The following SGSM3 variants were observed in gnomAD, a reference collection of about 807,000 sequenced individuals.
SGSM3 encodes RUN and SH3 containing 3.
Under a neutral mutation model 100.5 loss-of-function variants are expected in SGSM3, and 96 were observed. That is an observed-to-expected ratio of 0.96 (90% CI 0.81 to 1.13). The LOEUF (loss-of-function observed/expected upper bound fraction) is 1.13. Among genes scored for constraint, SGSM3 ranks in the 50% most tolerant of loss-of-function variants. The pLI is 0.00. For synonymous variants in SGSM3, 483 were observed against 422.8 expected (o/e 1.14, Z -1.75); for missense variants, 1,001 against 1,015.8 (o/e 0.99, Z 0.20).
At chr22:40,408,506 T>G in intron 16 of SGSM3, 77 bp downstream of exon 16, 1 of 1,594,488 alleles carries the variant, frequency 6.3e-7, no homozygotes. Context: ...CTTAGGTCCT[T>G]CCTGCCCCAC....
In SGSM3 at chr22:40,407,216, A is replaced by G. The variant is rs754237467; in HGVS notation, c.1256A>G (p.Glu419Gly). Residue 419 changes from glutamate (E) to glycine (G), a missense_variant, in exon 12 of 22, where the codon GAG becomes GGG. By Grantham distance (98) the Glu-to-Gly change is moderately conservative (BLOSUM62 -2). Transcript: ENST00000248929. The surrounding 1 kb of genome is among the most constrained non-coding windows in gnomAD (Gnocchi z 4.7). Reference sequence around the variant, plus strand: ...GGCCTCCTAGGGGAGGATGACCTGGAGGCACTCAAGGCCAAGAACATCAAG... The same window carrying G: ...GGCCTCCTAGGGGAGGATGACCTGGGGGCACTCAAGGCCAAGAACATCAAG... Reference protein sequence around the residue: ...TALLFGEDDLEALKAKNIKQT... With the variant: ...TALLFGEDDLGALKAKNIKQT... The G allele has an allele frequency of 1.2e-6, 2 of 1,613,562 alleles. No individual in the cohort carries two copies. The highest frequency in any genetic ancestry group is 8.5e-7 in the Non-Finnish European group (1 of 1,179,958).
At position 40,408,002 on chromosome 22, in the gene SGSM3, C is replaced by A; in HGVS notation, c.1580-69C>A. The A allele has an allele frequency of 4.5e-6, 7 of 1,542,798 alleles. 1 individual carries two copies. The South Asian group carries it at 8.2e-5, about 18-fold the overall frequency. On this transcript the variant is annotated intron_variant, in intron 14 of 21. Coordinates refer to ENST00000248929, the MANE Select transcript of SGSM3 (RefSeq NM_015705.6). ...GCCGGCTTCCCACTGCCTCAGCCTG[C>A]CTGCAGGCTGTGTCTGCTCTGTCCT... is the stretch of plus-strand genomic sequence containing the variant.
In SGSM3 at chr22:40,405,850, G is replaced by A; in HGVS notation, c.814+6G>A. 1 of 1,603,034 alleles carries A rather than the reference G, an allele frequency of 6.2e-7. No homozygotes were observed. Among genetic ancestry groups the A allele is most frequent in the Non-Finnish European group, 8.5e-7 (1 of 1,172,754 alleles). On this transcript the variant is annotated splice_donor_region_variant and intron_variant, in intron 8 of 21. Transcript: ENST00000248929. Reference sequence around the variant, plus strand: ...GCTCCAGGAGCATGACATTGGTAAGGCGCCCCTGAGCCACTGGCTCCCATT... The same window carrying A: ...GCTCCAGGAGCATGACATTGGTAAGACGCCCCTGAGCCACTGGCTCCCATT...
rs1555954090 is a variant in SGSM3, at chr22:40,410,071, C to CT, written c.*315dup. On this transcript the variant is annotated 3_prime_UTR_variant, in exon 22 of 22. Coordinates refer to ENST00000248929, the MANE Select transcript of SGSM3 (RefSeq NM_015705.6). Reference sequence around the variant, plus strand: ...GGGGTGGCTAGTAGGCTCCTGGCCTCTTTGGTTTATAAATAAACTGTGTCT... The same window carrying CT: ...GGGGTGGCTAGTAGGCTCCTGGCCTCTTTTGGTTTATAAATAAACTGTGTCT... The CT allele has an allele frequency of 4.8e-6, 6 of 1,250,818 alleles. No homozygotes were observed. Among genetic ancestry groups the CT allele is most frequent in the Non-Finnish European group, 6.0e-6 (6 of 996,904 alleles). 77.5% of individuals were successfully genotyped at this position (1,250,818 alleles called of 1,614,324 possible). A position where few individuals can be genotyped will look rare whatever the true frequency, so the allele number is the denominator to read the frequency against.
At chr22:40,404,882 T>C (rs1602066989) in intron 6 of SGSM3, among the ~76,000 whole-genome samples, 1 of 152,280 alleles carries the variant, frequency 6.6e-6, no homozygotes, top group South Asian at 2.1e-4. Context: ...CGGGTCCACT[T>C]CAGGAACAGA....
chr22:40,399,220 A>T (rs1371157777), intron 1 of SGSM3, among the ~76,000 whole-genome samples: 2 of 146,488 alleles, frequency 1.4e-5, no homozygotes, highest in African/African-American at 2.5e-5. Context: ...TCCTGGCCTC[A>T]AGTGATCCGC....
chr22:40,374,909 A>G (rs1020997107), intron 1 of SGSM3, among the ~76,000 whole-genome samples: 1 of 152,220 alleles, frequency 6.6e-6, no homozygotes, highest in African/African-American at 2.4e-5. Context: ...TACCAGTACT[A>G]TCAGTAGTAG....
At chr22:40,408,473 C>T (rs772651170) in intron 16 of SGSM3, 44 bp downstream of exon 16, 1 of 1,606,456 alleles carries the variant, frequency 6.2e-7, no homozygotes. Flanking sequence ...TGCACCAGCC[C>T]TGCTGTGCCC....
chr22:40,408,050 C>A (rs779564527), intron 14 of SGSM3, 21 bp from the exon 15 acceptor site: 3 of 1,612,402 alleles, frequency 1.9e-6, no homozygotes, highest in Non-Finnish European at 2.5e-6. Context: ...TTGCTCCTTA[C>A]AGGGCCTGTT....
At chr22:40,377,798 A>G (rs2046886043) in intron 1 of SGSM3, among the ~76,000 whole-genome samples, 1 of 151,158 alleles carries the variant, frequency 6.6e-6, no homozygotes, top group South Asian at 2.1e-4. Context: ...GTGAGCTGTG[A>G]TCGTGCCACT....
chr22:40,409,712 G>A lies in SGSM3; in HGVS notation c.2203G>A (p.Asp735Asn). The change falls in exon 22 of 22, where the codon GAC (aspartate) becomes AAC (asparagine). Residue 735 changes from aspartate (D) to asparagine (N), a missense_variant. Transcript: ENST00000248929. ...AQQPLKEGVR[D>N]MLVKHHLFSW... ...GCAGCCCCTGAAGGAGGGCGTCCGG[G>A]ACATGCTGGTGAAGCACCACCTCTT... The A allele has an allele frequency of 3.1e-6, 5 of 1,612,712 alleles. No individual in the cohort carries two copies. The highest frequency in any genetic ancestry group is 2.2e-5 in the East Asian group (1 of 44,864).
At position 40,395,870 on chromosome 22, in the gene SGSM3, C is replaced by T. The variant is rs115185853; in HGVS notation, c.-111-4826C>T. ...TCTCCACTGTCACTTCAGCCTCATT[C>T]TCCGTAATCTTTCCTCTGCACGCCA... On this transcript the variant is annotated intron_variant, in intron 1 of 21. Coordinates refer to ENST00000248929, the MANE Select transcript of SGSM3 (RefSeq NM_015705.6). Among the ~76,000 whole-genome samples, 359 of 152,252 alleles carry T rather than the reference C, an allele frequency of 2.4e-3. 1 individual carries two copies. The highest frequency in any genetic ancestry group is 8.6e-3 in the African/African-American group (357 of 41,542).
intron 1 of SGSM3, among the ~76,000 whole-genome samples, chr22:40,376,937 A>G (rs1292453499): frequency 1.3e-5 from 2 of 152,216 alleles, no homozygotes; most frequent in Admixed American, 6.5e-5. Context: ...TTTGATTGTC[A>G]TAGGAATAAC....
intron 6 of SGSM3, 131 bp downstream of exon 6, chr22:40,404,795 C>A: frequency 2.9e-6 from 2 of 686,290 alleles, no homozygotes; most frequent in South Asian, 1.8e-5. Context: ...CTTCCTTGGT[C>A]CTCTGCAGGC....
chr22:40,405,922 C>G (rs1446313174), intron 8 of SGSM3, 78 bp downstream of exon 8: 12 of 1,491,402 alleles, frequency 8.0e-6, no homozygotes, highest in Non-Finnish European at 1.1e-5. Flanking sequence ...GGATAGGGCA[C>G]AGCCCCCCAA....
intron 1 of SGSM3, among the ~76,000 whole-genome samples, chr22:40,377,889 CTG>C (rs2046909788): frequency 6.6e-6 from 1 of 151,546 alleles, no homozygotes; most frequent in African/African-American, 2.4e-5. Flanking sequence ...TAACTTTAAC[CTG>C]AAGAGGAGAG....
At chr22:40,406,798 C>T in intron 10 of SGSM3, 136 bp downstream of exon 10, 1 of 905,628 alleles carries the variant, frequency 1.1e-6, no homozygotes, top group Non-Finnish European at 1.7e-6. Flanking sequence ...CCAGTCAGAC[C>T]ACAGCTGTGG....
intron 4 of SGSM3, 56 bp downstream of exon 4, chr22:40,402,261 C>CGTGAGT: frequency 4.4e-6 from 6 of 1,348,664 alleles, no homozygotes; most frequent in Non-Finnish European, 6.4e-6. Context: ...GGGAGGACTC[C>CGTGAGT]GCTCCCTTGA....
At chr22:40,408,175 G>A (rs1035636599) in intron 15 of SGSM3, 55 bp downstream of exon 15, 12 of 1,607,728 alleles carry the variant, frequency 7.5e-6, no homozygotes, top group Admixed American at 3.3e-5. Flanking sequence ...CAGGGCCTGC[G>A]TGCCTAGCGA....
Sources: gnomAD v4.1 joint callset for allele counts (sites outside exome capture counted in the v4.1 genomes callset) on GRCh38, gnomAD v4.1.1 for gene constraint, Gnocchi (gnomAD v3.1) non-coding constraint, MANE v1.5 for transcripts, NCBI Gene and HGNC (gene_info 2026-07-23, HGNC 2026-07-21) for gene names.